The following ANGPT4 variants were observed in gnomAD, a reference collection of about 807,000 sequenced individuals.
ANGPT4 encodes the protein angiopoietin 4.
ANGPT4 carries 50 observed loss-of-function variants against 53.0 expected under a neutral mutation model. The observed-to-expected ratio is 0.94, with a 90% confidence interval of 0.75 to 1.20. The LOEUF (loss-of-function observed/expected upper bound fraction) is 1.20. ANGPT4 is among the 50% of genes most tolerant of loss of function. The pLI is 0.00. For missense variants in ANGPT4, 648 were observed against 637.1 expected (o/e 1.02, Z -0.18); for synonymous variants, 251 against 259.7 (o/e 0.97, Z 0.32).
Position 916,015 on chromosome 20 carries a change from G to T in ANGPT4, c.200C>A (p.Thr67Asn), listed in dbSNP as rs140900541. Reference sequence around the variant, plus strand: ...GTTGGCCAGTGATTCTCTCTGGAGGGTGTTGGAGTCCCTGGAGACCTCAGG... The same window carrying T: ...GTTGGCCAGTGATTCTCTCTGGAGGTTGTTGGAGTCCCTGGAGACCTCAGG... ...PGPEVSRDSN[T>N]LQRESLANPL... Residue 67 changes from threonine to asparagine, a missense_variant, in exon 1 of 9, where the codon ACC becomes AAC. Coordinates refer to ENST00000381922, the MANE Select transcript of ANGPT4 (RefSeq NM_015985.4). The T allele has an allele frequency of 5.0e-6, 8 of 1,614,192 alleles. No homozygotes were observed. The highest frequency in any genetic ancestry group is 1.3e-5 in the African/African-American group (1 of 75,070).
intron 1 of ANGPT4, among the ~76,000 whole-genome samples, chr20:893,356 C>G (rs1981921970): frequency 1.3e-5 from 2 of 152,218 alleles, no homozygotes; most frequent in Non-Finnish European, 2.9e-5. Context: ...ATCACACCCA[C>G]CACTGGATAA....
intron 7 of ANGPT4, among the ~76,000 whole-genome samples, chr20:875,388 T>G (rs920633937): frequency 2.0e-5 from 3 of 152,198 alleles, no homozygotes; most frequent in Admixed American, 2.0e-4. Context: ...CTCTGCAGCT[T>G]CGACATCTGC....
chr20:883,034 C>CTGAA (rs1981473456), intron 4 of ANGPT4, among the ~76,000 whole-genome samples: 1 of 152,234 alleles, frequency 6.6e-6, no homozygotes, highest in East Asian at 1.9e-4. Flanking sequence ...AGGCACTGTG[C>CTGAA]TGAACCCTTT....
intron 1 of ANGPT4, among the ~76,000 whole-genome samples, chr20:891,015 T>C (rs1179393980): frequency 6.6e-6 from 1 of 152,224 alleles, no homozygotes; most frequent in East Asian, 1.9e-4. Flanking sequence ...TGTTTCTCTC[T>C]CTAGAATGTC....
intron 1 of ANGPT4, among the ~76,000 whole-genome samples, chr20:902,899 C>T (rs372298143): frequency 2.9e-4 from 44 of 152,264 alleles, no homozygotes; most frequent in East Asian, 2.7e-3. Context: ...TATTTGTAGG[C>T]TCTGCTGTTG....
intron 1 of ANGPT4, among the ~76,000 whole-genome samples, chr20:905,229 C>A (rs902350944): frequency 2.6e-5 from 4 of 152,184 alleles, no homozygotes; most frequent in African/African-American, 9.7e-5. Context: ...CATCTGAAAT[C>A]ACTTTAGTCA....
Position 916,315 on chromosome 20 carries a change from G to A in ANGPT4, c.-101C>T. On this transcript the variant is annotated 5_prime_UTR_variant, in exon 1 of 9. Transcript: ENST00000381922. ...ACAGTGGCCAGGCTTGCCTGCAGCT[G>A]CAGCTACAAACCTCTGTCTGGCCGA... The A allele has an allele frequency of 1.5e-6, 2 of 1,304,868 alleles. No individual in the cohort carries two copies. The highest frequency in any genetic ancestry group is 1.5e-5 in the African/African-American group (1 of 68,586). 80.8% of individuals were successfully genotyped at this position (1,304,868 alleles called of 1,614,324 possible).
intron 1 of ANGPT4, among the ~76,000 whole-genome samples, chr20:904,605 G>A (rs1982407501): frequency 6.6e-6 from 1 of 152,214 alleles, no homozygotes; most frequent in Admixed American, 6.5e-5. Flanking sequence ...TTGCTTCAAA[G>A]TAGAGTGAAA....
At chr20:882,468 C>A (rs758616028) in intron 4 of ANGPT4, among the ~76,000 whole-genome samples, 1 of 152,082 alleles carries the variant, frequency 6.6e-6, no homozygotes, top group Non-Finnish European at 1.5e-5. Flanking sequence ...CTTCAGGGAT[C>A]CCAGATCCTG....
In ANGPT4 at chr20:876,144, CAAAA is replaced by C. The variant is rs3030778; in HGVS notation, c.1221-1734_1221-1731del. Among the ~76,000 whole-genome samples, 261 of 99,096 alleles carry C rather than the reference CAAAA, an allele frequency of 2.6e-3. 1 individual carries two copies. Among genetic ancestry groups the C allele is most frequent in the African/African-American group, 7.8e-3 (226 of 29,004 alleles). The allele number at this position is 99,096 out of a possible 152,430, so 65.0% of individuals were successfully genotyped here. ...CTGGGCAACAGAGTAAGCCCTGTCTCAAAAAAAAAAAAAAAAAAAAAGAAGGTCT... is the reference window on the plus strand; with the variant it reads ...CTGGGCAACAGAGTAAGCCCTGTCTCAAAAAAAAAAAAAAAAAGAAGGTCT... On this transcript the variant is annotated intron_variant, in intron 7 of 8. Transcript: ENST00000381922.
intron 5 of ANGPT4, among the ~76,000 whole-genome samples, chr20:880,482 G>A (rs1216697200): frequency 6.6e-6 from 1 of 152,060 alleles, no homozygotes; most frequent in Non-Finnish European, 1.5e-5. Context: ...CAGCTACTTG[G>A]GAGGCTGAGG....
At chr20:899,195 C>T (rs55814905) in intron 1 of ANGPT4, among the ~76,000 whole-genome samples, 16 of 151,918 alleles carry the variant, frequency 1.1e-4, no homozygotes, top group African/African-American at 1.5e-4. Flanking sequence ...CGGGTATTGA[C>T]GGCCAGGCTG....
At chr20:901,785 C>T (rs1012998991) in intron 1 of ANGPT4, among the ~76,000 whole-genome samples, 2 of 152,132 alleles carry the variant, frequency 1.3e-5, no homozygotes, top group East Asian at 1.9e-4. Flanking sequence ...GGTGGTGGTG[C>T]ATGCCTCTAG....
chr20:870,036 G>A lies in ANGPT4; in HGVS notation c.*2924C>T, dbSNP rs1359135525. The stretch of plus-strand genomic sequence containing the variant: ...AGGAAAGATCCTGGCTGAGAATGAA[G>A]TCAACGGGGCAGATGGAGGGGCTGA... On this transcript the variant is annotated 3_prime_UTR_variant, in exon 9 of 9. Coordinates refer to ENST00000381922, the MANE Select transcript of ANGPT4 (RefSeq NM_015985.4). The A allele has an allele frequency of 6.6e-6, 1 of 152,348 alleles. No homozygotes were observed. The highest frequency in any genetic ancestry group is 1.5e-5 in the Non-Finnish European group (1 of 68,134). 9.4% of individuals were successfully genotyped at this position (152,348 alleles called of 1,614,324 possible). A position where few individuals can be genotyped will look rare whatever the true frequency, so the allele number is the denominator to read the frequency against.
intron 3 of ANGPT4, among the ~76,000 whole-genome samples, chr20:885,766 C>T (rs1424254829): frequency 6.6e-6 from 1 of 152,178 alleles, no homozygotes; most frequent in Non-Finnish European, 1.5e-5. Context: ...TTTGGCGTCC[C>T]TGGAAATGTT....
At chr20:874,179 A>C in intron 8 of ANGPT4, 105 bp downstream of exon 8, 3 of 1,539,520 alleles carry the variant, frequency 1.9e-6, no homozygotes, top group Non-Finnish European at 2.7e-6. Flanking sequence ...ACCTGCACCC[A>C]TCCTCCTGAC....
chr20:875,278 A>G (rs948340924), intron 7 of ANGPT4, among the ~76,000 whole-genome samples: 3 of 151,984 alleles, frequency 2.0e-5, no homozygotes, highest in South Asian at 2.1e-4. Flanking sequence ...TGATCTGGCA[A>G]CCCCAGCCCC....
intron 5 of ANGPT4, among the ~76,000 whole-genome samples, chr20:880,832 G>A (rs1981376617): frequency 6.6e-6 from 1 of 152,210 alleles, no homozygotes; most frequent in African/African-American, 2.4e-5. Context: ...TGGACTATAT[G>A]TAAACTAGAA....
Position 890,348 on chromosome 20 carries a change from C to T in ANGPT4, c.330G>A (p.Thr110=), listed in dbSNP as rs140621916. ...WLKKLERAIK[T]ILRSKLEQVQ... ...CCTGCTCCAGCTTCGACCTCAAGATCGTCTTGATGGCCCTCTCTAGCTGTG... is the reference window on the plus strand; with the variant it reads ...CCTGCTCCAGCTTCGACCTCAAGATTGTCTTGATGGCCCTCTCTAGCTGTG... Residue 110 remains threonine (T), a synonymous_variant, in exon 2 of 9, where the codon ACG becomes ACA. Coordinates refer to ENST00000381922, the MANE Select transcript of ANGPT4 (RefSeq NM_015985.4). The T allele has an allele frequency of 1.3e-4, 216 of 1,604,796 alleles. No individual in the cohort carries two copies. Among genetic ancestry groups the T allele is most frequent in the Non-Finnish European group, 1.8e-4 (208 of 1,175,950 alleles).
Sources: allele counts gnomAD v4.1 joint callset (sites outside exome capture counted in the v4.1 genomes callset), GRCh38; gene constraint gnomAD v4.1.1; transcripts MANE v1.5; gene names NCBI Gene and HGNC (gene_info 2026-07-23, HGNC 2026-07-21).